ERAP1: variants seen among roughly 807,000 people sequenced by gnomAD.
ERAP1 encodes the protein adipocyte-derived leucine aminopeptidase.
ERAP1 carries 86 observed loss-of-function variants against 103.7 expected under a neutral mutation model. The observed-to-expected ratio is 0.83, with a 90% CI of 0.70 to 0.99. ERAP1 has a LOEUF of 0.99. Among genes scored for constraint, ERAP1 ranks in the 50% least tolerant of loss-of-function variants. The probability of loss-of-function intolerance (pLI) is 0.00; values close to 1 mark genes in which losing one functional copy is unlikely to be tolerated. For missense variants in ERAP1, 1,009 were observed against 1,128.4 expected (o/e 0.89, Z 1.52); for synonymous variants, 398 against 402.4 (o/e 0.99, Z 0.13).
downstream of ERAP1, chr5:96,773,846 T>C (rs1773312561): frequency 6.6e-6 from 1 of 152,342 alleles, no homozygotes; most frequent in South Asian, 2.1e-4. Context: ...CCAAAGGGCA[T>C]GGCCTTCCTT....
At chr5:96,919,613 TACAG>T in the ERAP1 span, 2 of 152,204 alleles carry the variant, frequency 1.3e-5, no homozygotes, top group Admixed American at 6.5e-5. Flanking sequence ...AAGAATTGAG[TACAG>T]AAAGTAGCAA....
chr5:96,770,469 C>T (rs2150788168), downstream of ERAP1: 2 of 979,704 alleles, frequency 2.0e-6, no homozygotes, highest in East Asian at 2.4e-5. Context: ...TTAACTGCAG[C>T]CTAGTTAATT....
At chr5:96,818,893 C>CATTTATGTATTTATTT in the ERAP1 span, among the ~76,000 whole-genome samples, 8 of 141,760 alleles carry the variant, frequency 5.6e-5, no homozygotes, top group South Asian at 2.3e-4. Flanking sequence ...ACCTGAACTG[C>CATTTATGTATTTATTT]ATTTATTTAT....
intron 15 of ERAP1, 79 bp from the exon 16 acceptor site, chr5:96,781,933 C>G: frequency 7.8e-7 from 1 of 1,274,562 alleles, no homozygotes; most frequent in Non-Finnish European, 1.1e-6. Context: ...TAACTATGAA[C>G]TGCTGAACTT....
the ERAP1 span, among the ~76,000 whole-genome samples, chr5:96,859,794 T>G: frequency 6.6e-6 from 1 of 152,212 alleles, no homozygotes; most frequent in Non-Finnish European, 1.5e-5. Context: ...TTATTAATTT[T>G]GGCTGGCAAC....
the ERAP1 span, among the ~76,000 whole-genome samples, chr5:96,835,935 C>T: frequency 4.6e-5 from 7 of 152,178 alleles, no homozygotes; most frequent in African/African-American, 1.7e-4. Context: ...CAAACATGAT[C>T]TGAGAACACT....
chr5:96,847,091 A>G, the ERAP1 span, among the ~76,000 whole-genome samples: 2 of 151,420 alleles, frequency 1.3e-5, no homozygotes, highest in East Asian at 1.9e-4. Flanking sequence ...TACAAAAAAA[A>G]AAAAAAAATA....
the ERAP1 span, among the ~76,000 whole-genome samples, chr5:96,895,859 G>T: frequency 0.039 from 6,001 of 152,172 alleles, 365 homozygotes; most frequent in African/African-American, 0.14. Context: ...ATATCAAGGT[G>T]GTTAGTAATG....
At chr5:96,826,251 G>A in the ERAP1 span, among the ~76,000 whole-genome samples, 1 of 152,332 alleles carries the variant, frequency 6.6e-6, no homozygotes, top group South Asian at 2.1e-4. Flanking sequence ...GTGTGTTCTT[G>A]AAGCTACTAT....
Position 96,775,342 on chromosome 5 carries a change from C to G in ERAP1, c.*1054G>C, listed in dbSNP as rs1227966310. On this transcript the variant is annotated 3_prime_UTR_variant, in exon 19 of 19. Transcript: ENST00000443439. ...AATATTTTGTTTCACAATGTACTAT[C>G]ATTTATTGGTGACTGCAATAATTTA... The G allele has an allele frequency of 5.1e-6, 5 of 985,228 alleles. No individual in the cohort carries two copies. In the African/African-American group the frequency reaches 8.7e-5, roughly 17 times the overall value. 61.0% of individuals were successfully genotyped at this position (985,228 alleles called of 1,614,324 possible). A position where few individuals can be genotyped will look rare whatever the true frequency, so the allele number is the denominator to read the frequency against.
the ERAP1 span, chr5:96,889,064 A>C: frequency 8.4e-7 from 1 of 1,186,256 alleles, no homozygotes; most frequent in Non-Finnish European, 1.2e-6. Flanking sequence ...AACATGCTTA[A>C]TGGTATCTTA....
At chr5:96,884,619 G>A in the ERAP1 span, among the ~76,000 whole-genome samples, 5 of 152,120 alleles carry the variant, frequency 3.3e-5, no homozygotes, top group African/African-American at 4.8e-5. Context: ...GTGCAATGGC[G>A]TGATCTCGGT....
chr5:96,869,547 A>G, the ERAP1 span, among the ~76,000 whole-genome samples: 1 of 152,258 alleles, frequency 6.6e-6, no homozygotes, highest in Non-Finnish European at 1.5e-5. Flanking sequence ...ATAGAAAAGG[A>G]TGGTAGAAGG....
At chr5:96,835,076 A>T in the ERAP1 span, among the ~76,000 whole-genome samples, 1 of 152,230 alleles carries the variant, frequency 6.6e-6, no homozygotes, top group African/African-American at 2.4e-5. Context: ...AGGGGCTGTT[A>T]GGCGTGTACT....
At chr5:96,907,099 A>G in the ERAP1 span, among the ~76,000 whole-genome samples, 1 of 152,322 alleles carries the variant, frequency 6.6e-6, no homozygotes, top group East Asian at 1.9e-4. Flanking sequence ...TTATTTCTCA[A>G]AGGTACAATC....
At chr5:96,935,042 A>G in the ERAP1 span, 9 of 152,276 alleles carry the variant, frequency 5.9e-5, no homozygotes, top group African/African-American at 2.2e-4. Context: ...CACTGGAAAC[A>G]ATGGTGGCTC....
At chr5:96,923,829 C>T in the ERAP1 span, among the ~76,000 whole-genome samples, 23 of 152,256 alleles carry the variant, frequency 1.5e-4, no homozygotes, top group South Asian at 4.3e-3. Flanking sequence ...TTGTAACTCA[C>T]TAGTCATGCT....
the ERAP1 span, among the ~76,000 whole-genome samples, chr5:96,868,082 A>G: frequency 6.6e-6 from 1 of 152,142 alleles, no homozygotes; most frequent in Non-Finnish European, 1.5e-5. Flanking sequence ...CTCCAAAAAA[A>G]AGAAAAACAA....
chr5:96,928,979 C>T, the ERAP1 span, among the ~76,000 whole-genome samples: 4 of 152,102 alleles, frequency 2.6e-5, no homozygotes, highest in East Asian at 1.9e-4. Context: ...ACTGGTAAGG[C>T]GAAAACACCT....
Sources: allele counts gnomAD v4.1 joint callset (sites outside exome capture counted in the v4.1 genomes callset), GRCh38; gene constraint gnomAD v4.1.1; transcripts MANE v1.5; gene names NCBI Gene and HGNC (gene_info 2026-07-23, HGNC 2026-07-21).